The following HS3ST5 variants were observed in gnomAD, a reference collection of about 807,000 sequenced individuals.
The protein encoded by HS3ST5 is heparan sulfate-glucosamine 3-sulfotransferase 5.
HS3ST5 carries 10 observed loss-of-function variants against 25.4 expected under a neutral mutation model. That is an observed-to-expected ratio of 0.39 (90% CI 0.24 to 0.67). The LOEUF is 0.67. Ranked by LOEUF, HS3ST5 falls within the 30% of genes least tolerant of loss-of-function variation. The pLI is 0.44. For synonymous variants in HS3ST5, 170 were observed against 162.4 expected, an observed-to-expected ratio of 1.05 and a Z score of -0.36; for missense variants, 324 against 420.7, an observed-to-expected ratio of 0.77 and a Z score of 2.01.
At chr6:114,105,888 C>T (rs1775967163) in intron 3 of HS3ST5, among the ~76,000 whole-genome samples, 1 of 152,080 alleles carries the variant, frequency 6.6e-6, no homozygotes, top group African/African-American at 2.4e-5. Context: ...ATTAACATTG[C>T]ATATGATACA....
chr6:114,168,101 T>G (rs907543312), intron 3 of HS3ST5, among the ~76,000 whole-genome samples: 1 of 151,860 alleles, frequency 6.6e-6, no homozygotes, highest in African/African-American at 2.4e-5. Flanking sequence ...TAAAAAAAAT[T>G]TTTAAAAAAG....
rs150286705 is a variant in HS3ST5 at position 114,273,842 on chromosome 6, G to A, written c.-338-45064C>T. ...GAGGGTGGTCCAAGAGAGGGGAGAAGAGGCACTGGAGATAGAGTCCTCACA... is the reference window on the plus strand; with the variant it reads ...GAGGGTGGTCCAAGAGAGGGGAGAAAAGGCACTGGAGATAGAGTCCTCACA... On this transcript the variant is annotated intron_variant, in intron 1 of 4. Transcript: ENST00000312719. 4.2e-4 allele frequency among the ~76,000 whole-genome samples: 64 copies of A among 152,126 alleles called. 1 individual carries two copies. The East Asian group carries it at 0.012, about 28-fold the overall frequency.
chr6:114,315,547 G>A (rs1775712621), intron 1 of HS3ST5, among the ~76,000 whole-genome samples: 1 of 152,048 alleles, frequency 6.6e-6, no homozygotes, highest in South Asian at 2.1e-4. Flanking sequence ...AGAAACAATA[G>A]CACACATATT....
At chr6:114,176,630 G>C (rs752402615) in intron 2 of HS3ST5, among the ~76,000 whole-genome samples, 6 of 152,086 alleles carry the variant, frequency 3.9e-5, no homozygotes, top group Non-Finnish European at 8.8e-5. Flanking sequence ...TGGAAGTGGA[G>C]TCAGATTGGC....
intron 1 of HS3ST5, among the ~76,000 whole-genome samples, chr6:114,319,362 T>C (rs1775872986): frequency 6.6e-6 from 1 of 152,174 alleles, no homozygotes; most frequent in South Asian, 2.1e-4. Context: ...AATTTTTATC[T>C]TGAAGTTTTT....
At chr6:114,105,126 T>C (rs1280883557) in intron 3 of HS3ST5, among the ~76,000 whole-genome samples, 1 of 152,170 alleles carries the variant, frequency 6.6e-6, no homozygotes, top group Non-Finnish European at 1.5e-5. Flanking sequence ...GGAATAATTA[T>C]GAATGAACAC....
At chr6:114,305,442 T>C (rs1484568693) in intron 1 of HS3ST5, among the ~76,000 whole-genome samples, 2 of 152,126 alleles carry the variant, frequency 1.3e-5, no homozygotes, top group Non-Finnish European at 2.9e-5. Flanking sequence ...TAATAGCAGC[T>C]TGACAGTTGT....
chr6:114,142,080 C>T (rs543218898), intron 3 of HS3ST5, among the ~76,000 whole-genome samples: 1 of 152,076 alleles, frequency 6.6e-6, no homozygotes, highest in Non-Finnish European at 1.5e-5. Flanking sequence ...TTCTCTCTCT[C>T]ACAAAATAAT....
chr6:114,231,662 A>G (rs1771595446), intron 1 of HS3ST5, among the ~76,000 whole-genome samples: 1 of 151,840 alleles, frequency 6.6e-6, no homozygotes, highest in South Asian at 2.1e-4. Flanking sequence ...TAAGATAATC[A>G]GTGTATCTCA....
chr6:114,093,009 A>G (rs1243141234), intron 3 of HS3ST5, among the ~76,000 whole-genome samples: 1 of 152,158 alleles, frequency 6.6e-6, no homozygotes, highest in Non-Finnish European at 1.5e-5. Context: ...ATGTAATCAC[A>G]TTTAATTCTT....
intron 1 of HS3ST5, among the ~76,000 whole-genome samples, chr6:114,279,823 T>G (rs1344158332): frequency 6.6e-6 from 1 of 151,966 alleles, no homozygotes; most frequent in Non-Finnish European, 1.5e-5. Context: ...GTGTGCTCAT[T>G]CATTCAACAA....
At chr6:114,323,495 A>G (rs951241730) in intron 1 of HS3ST5, among the ~76,000 whole-genome samples, 3 of 152,104 alleles carry the variant, frequency 2.0e-5, no homozygotes, top group African/African-American at 7.2e-5. Context: ...AAATTTTGGC[A>G]GGAATCAGAA....
intron 3 of HS3ST5, among the ~76,000 whole-genome samples, chr6:114,077,684 A>G (rs1774218640): frequency 6.6e-6 from 1 of 152,208 alleles, no homozygotes; most frequent in East Asian, 1.9e-4. Flanking sequence ...TCTATTTGTC[A>G]TATCTGTTAA....
intron 3 of HS3ST5, among the ~76,000 whole-genome samples, chr6:114,083,776 C>G (rs1263743491): frequency 6.6e-6 from 1 of 152,004 alleles, no homozygotes; most frequent in African/African-American, 2.4e-5. Flanking sequence ...ATTGAGTATT[C>G]CTCTTCTCCA....
At chr6:114,234,317 A>AATAT (rs886549201) in intron 1 of HS3ST5, among the ~76,000 whole-genome samples, 1 of 148,014 alleles carries the variant, frequency 6.8e-6, no homozygotes, top group African/African-American at 2.5e-5. Flanking sequence ...TAATATATAT[A>AATAT]ATATATATAT....
At chr6:114,096,309 A>G (rs893017460) in intron 3 of HS3ST5, among the ~76,000 whole-genome samples, 1 of 152,192 alleles carries the variant, frequency 6.6e-6, no homozygotes, top group Admixed American at 6.5e-5. Context: ...CTTAGGTATC[A>G]TTTTGTATAT....
At chr6:114,303,978 T>C (rs915641041) in intron 1 of HS3ST5, among the ~76,000 whole-genome samples, 1 of 152,138 alleles carries the variant, frequency 6.6e-6, no homozygotes. Flanking sequence ...AGTGGTGTGA[T>C]TCCATGTGGA....
intron 3 of HS3ST5, among the ~76,000 whole-genome samples, chr6:114,108,683 A>G (rs1478449909): frequency 6.6e-6 from 1 of 152,218 alleles, no homozygotes; most frequent in Non-Finnish European, 1.5e-5. Context: ...CTGAGAAGTA[A>G]TAAAACATTA....
At chr6:114,090,533 A>C (rs1318268438) in intron 3 of HS3ST5, among the ~76,000 whole-genome samples, 2 of 152,182 alleles carry the variant, frequency 1.3e-5, no homozygotes, top group Non-Finnish European at 2.9e-5. Context: ...AATGTTATGG[A>C]AAACTTGTTG....
Sources: allele counts gnomAD v4.1 joint callset (sites outside exome capture counted in the v4.1 genomes callset), GRCh38; gene constraint gnomAD v4.1.1; transcripts MANE v1.5; gene names NCBI Gene and HGNC (gene_info 2026-07-23, HGNC 2026-07-21).